The following CHRM3 variants were observed in gnomAD, a reference collection of about 807,000 sequenced individuals.
CHRM3 encodes the protein muscarinic acetylcholine receptor M3.
In CHRM3, 11 loss-of-function variants were observed where a neutral mutation model predicts 41.8. The observed-to-expected ratio is 0.26, with a 90% CI of 0.17 to 0.44. CHRM3 has a LOEUF of 0.44. Ranked by LOEUF, CHRM3 falls within the 20% of genes least tolerant of loss-of-function variation. CHRM3 has a pLI of 1.00. For missense variants in CHRM3, 571 were observed against 745.4 expected (o/e 0.77, Z 2.72); for synonymous variants, 297 against 301.4 (o/e 0.99, Z 0.15).
chr1:239,708,912 A>G (rs1389852448), intron 5 of CHRM3, among the ~76,000 whole-genome samples: 4 of 151,618 alleles, frequency 2.6e-5, no homozygotes, highest in African/African-American at 9.7e-5. Context: ...TTTATTTTTT[A>G]ACTCCAATAA....
intron 5 of CHRM3, among the ~76,000 whole-genome samples, chr1:239,688,441 CAT>C (rs1363578864): frequency 7.2e-6 from 1 of 138,990 alleles, no homozygotes; most frequent in Non-Finnish European, 1.5e-5. Context: ...ATTTACATAT[CAT>C]ATTTATAAAT....
intron 5 of CHRM3, among the ~76,000 whole-genome samples, chr1:239,816,732 C>CTTATT (rs370920922): frequency 2.3e-5 from 3 of 131,554 alleles, no homozygotes; most frequent in African/African-American, 8.5e-5. Flanking sequence ...GTGCCTCAGT[C>CTTATT]TTTTTTTTTT....
Position 239,915,008 on chromosome 1 carries a change from C to T in CHRM3, c.*5784C>T, listed in dbSNP as rs902125283. 2.4e-5 allele frequency: 4 copies of T among 167,002 alleles called. No individual in the cohort carries two copies. The highest frequency in any genetic ancestry group is 9.7e-5 in the African/African-American group (4 of 41,402). 10.3% of individuals were successfully genotyped at this position (167,002 alleles called of 1,614,324 possible). On this transcript the variant is annotated 3_prime_UTR_variant, in exon 7 of 7. Transcript: ENST00000676153. ...TTTCTTTTAAATATAGGAACTGTTA[C>T]CAAGTTTGGTGCAGGCTTGAGGAAT...
At chr1:239,778,569 C>T (rs936051382) in intron 5 of CHRM3, among the ~76,000 whole-genome samples, 4 of 152,172 alleles carry the variant, frequency 2.6e-5, no homozygotes, top group Non-Finnish European at 5.9e-5. Flanking sequence ...TCCCTCCTGA[C>T]CTGGATCATT....
chr1:239,752,463 T>G (rs769528627), intron 5 of CHRM3, among the ~76,000 whole-genome samples: 24 of 152,234 alleles, frequency 1.6e-4, no homozygotes, highest in Non-Finnish European at 2.9e-4. Flanking sequence ...TTGATTTTTT[T>G]CTCTTATTAA....
intron 3 of CHRM3, among the ~76,000 whole-genome samples, chr1:239,556,448 C>T (rs1660364028): frequency 6.6e-6 from 1 of 152,114 alleles, no homozygotes; most frequent in Non-Finnish European, 1.5e-5. Context: ...CAAGTAGTGT[C>T]TCAAGATTAA....
intron 5 of CHRM3, among the ~76,000 whole-genome samples, chr1:239,743,457 C>T (rs1322998517): frequency 6.6e-6 from 1 of 152,156 alleles, no homozygotes; most frequent in Admixed American, 6.5e-5. Flanking sequence ...GCATGAGAGT[C>T]CTGGGAGCTA....
intron 5 of CHRM3, among the ~76,000 whole-genome samples, chr1:239,821,350 G>T (rs1672029339): frequency 6.6e-6 from 1 of 152,224 alleles, no homozygotes; most frequent in African/African-American, 2.4e-5. Flanking sequence ...TATGGGGTAG[G>T]TGTGAGCTGT....
At chr1:239,882,559 G>T (rs1677733140) in intron 6 of CHRM3, among the ~76,000 whole-genome samples, 1 of 152,162 alleles carries the variant, frequency 6.6e-6, no homozygotes, top group South Asian at 2.1e-4. Flanking sequence ...ACAGAGAGAT[G>T]CAGGAAGTTG....
rs73116727 is a variant in CHRM3, at chr1:239,539,404, C to A, written c.-421-6237C>A. 8.6e-3 allele frequency among the ~76,000 whole-genome samples: 1,311 copies of A among 152,262 alleles called. 40 individuals carry two copies. In the East Asian group the frequency reaches 0.11, roughly 12 times the overall value. ...CCCCAGTGGGGTTAGCCTTCCACAG[C>A]CCTCAGAGCACAAAGACGATTTTGA... is the stretch of plus-strand genomic sequence containing the variant. On this transcript the variant is annotated intron_variant, in intron 2 of 6. Transcript: ENST00000676153.
At chr1:239,751,985 T>C (rs1285531805) in intron 5 of CHRM3, among the ~76,000 whole-genome samples, 2 of 152,144 alleles carry the variant, frequency 1.3e-5, no homozygotes, top group Non-Finnish European at 2.9e-5. Context: ...AGCTGTGAAG[T>C]TGCCCCAACA....
intron 3 of CHRM3, among the ~76,000 whole-genome samples, chr1:239,580,438 A>G (rs1572777776): frequency 6.6e-6 from 1 of 152,078 alleles, no homozygotes; most frequent in African/African-American, 2.4e-5. Context: ...ACACATTTCA[A>G]CTATTTATAT....
At position 239,822,108 on chromosome 1, in the gene CHRM3, A is replaced by G. The variant is rs557136511; in HGVS notation, c.-146-5144A>G. Among the ~76,000 whole-genome samples, 8 of 152,334 alleles carry G rather than the reference A, an allele frequency of 5.3e-5. 1 individual carries two copies. Among genetic ancestry groups the G allele is most frequent in the African/African-American group, 1.9e-4 (8 of 41,580 alleles). On this transcript the variant is annotated intron_variant, in intron 5 of 6. Transcript: ENST00000676153. The stretch of plus-strand genomic sequence containing the variant: ...CCAGTCTCGGGTATTTCTTTATAGC[A>G]GTGTGAGAACAGACTAGTACAGAAG...
At chr1:239,402,446 C>G (rs570339881) in intron 1 of CHRM3, among the ~76,000 whole-genome samples, 1 of 152,306 alleles carries the variant, frequency 6.6e-6, no homozygotes, top group Non-Finnish European at 1.5e-5. Flanking sequence ...TCCCTGCTTT[C>G]AGTCTCTTTT....
chr1:239,801,701 T>G (rs1486309762), intron 5 of CHRM3, among the ~76,000 whole-genome samples: 1 of 152,208 alleles, frequency 6.6e-6, no homozygotes, highest in Non-Finnish European at 1.5e-5. Flanking sequence ...ACTAGGTGAA[T>G]AGTTAATGTG....
At chr1:239,585,052 A>AAT (rs71567251) in intron 3 of CHRM3, among the ~76,000 whole-genome samples, 41,299 of 144,522 alleles carry the variant, frequency 0.29, 6,381 homozygotes, top group Middle Eastern at 0.42. Flanking sequence ...GCAACAATTA[A>AAT]ATATATATAT....
chr1:239,806,075 C>T (rs1029462103), intron 5 of CHRM3, among the ~76,000 whole-genome samples: 1 of 152,152 alleles, frequency 6.6e-6, no homozygotes, highest in African/African-American at 2.4e-5. Context: ...GGCATAGGTC[C>T]ACTTCAAACC....
intron 5 of CHRM3, among the ~76,000 whole-genome samples, chr1:239,721,047 C>A (rs1662922578): frequency 6.6e-6 from 1 of 151,800 alleles, no homozygotes. Context: ...GTTTAATAAT[C>A]ATGATTTTAT....
At chr1:239,866,077 T>G (rs1020833608) in intron 6 of CHRM3, among the ~76,000 whole-genome samples, 111 of 151,532 alleles carry the variant, frequency 7.3e-4, no homozygotes, top group Non-Finnish European at 9.9e-4. Flanking sequence ...AGGCTTGGAG[T>G]GATTAAAAAG....
Sources: gnomAD v4.1 joint callset for allele counts (sites outside exome capture counted in the v4.1 genomes callset) on GRCh38, gnomAD v4.1.1 for gene constraint, MANE v1.5 for transcripts, NCBI Gene and HGNC (gene_info 2026-07-23, HGNC 2026-07-21) for gene names.